The following SEPTIN14 variants were observed in gnomAD, a reference collection of about 807,000 sequenced individuals.
SEPTIN14 encodes the protein septin 14, also known as septin-14.
In SEPTIN14, 40 loss-of-function variants were observed where a neutral mutation model predicts 53.6. That is an observed-to-expected ratio of 0.75 (90% CI 0.58 to 0.97). The LOEUF (loss-of-function observed/expected upper bound fraction) is 0.97. Ranked by LOEUF, SEPTIN14 falls within the 50% of genes least tolerant of loss-of-function variation. The pLI, the probability that SEPTIN14 is intolerant of heterozygous loss-of-function variation, is 0.00. For missense variants in SEPTIN14, 471 were observed against 508.2 expected, an observed-to-expected ratio of 0.93 and a Z score of 0.70; for synonymous variants, 138 against 166.8, an observed-to-expected ratio of 0.83 and a Z score of 1.33.
chr7:55,827,280 T>C (rs762615631), intron 6 of SEPTIN14, among the ~76,000 whole-genome samples: 21 of 152,180 alleles, frequency 1.4e-4, no homozygotes, highest in Non-Finnish European at 2.4e-4. Flanking sequence ...AGGAGCAGCG[T>C]TCCTGCATGA....
chr7:55,836,086 T>C (rs1789200166), intron 5 of SEPTIN14, among the ~76,000 whole-genome samples: 1 of 152,154 alleles, frequency 6.6e-6, no homozygotes, highest in African/African-American at 2.4e-5. Flanking sequence ...TGTGTGTGTG[T>C]GCGCGTGTGT....
At chr7:55,835,444 C>T (rs759887347) in intron 5 of SEPTIN14, among the ~76,000 whole-genome samples, 5 of 151,996 alleles carry the variant, frequency 3.3e-5, no homozygotes, top group South Asian at 2.1e-4. Flanking sequence ...CCTCGTGATC[C>T]GCTCGCCTCA....
intron 2 of SEPTIN14, among the ~76,000 whole-genome samples, chr7:55,849,975 T>C (rs1172633439): frequency 1.3e-5 from 2 of 152,004 alleles, no homozygotes; most frequent in Non-Finnish European, 2.9e-5. Context: ...CAATGGGAAA[T>C]AGGAAATCTA....
chr7:55,860,760 A>G (rs2116090393), intron 2 of SEPTIN14, among the ~76,000 whole-genome samples: 1 of 152,166 alleles, frequency 6.6e-6, no homozygotes, highest in East Asian at 1.9e-4. Flanking sequence ...TAGTGCTTTT[A>G]TAACAGAAGC....
chr7:55,830,339 A>T (rs866593734), intron 6 of SEPTIN14, among the ~76,000 whole-genome samples: 34 of 59,678 alleles, frequency 5.7e-4, no homozygotes, highest in African/African-American at 1.8e-3. Flanking sequence ...ATATATATAT[A>T]TATATATATA....
chr7:55,844,789 A>G (rs1299572490), intron 3 of SEPTIN14, 71 bp from the exon 4 acceptor site: 1 of 742,360 alleles, frequency 1.3e-6, no homozygotes, highest in Non-Finnish European at 2.0e-6. Context: ...TTGAATTCCT[A>G]CGGTGGTTTT....
chr7:55,853,425 T>C (rs148344174), intron 2 of SEPTIN14, among the ~76,000 whole-genome samples: 1 of 152,184 alleles, frequency 6.6e-6, no homozygotes. Flanking sequence ...AAGCAAGTCA[T>C]GGAAAGACAA....
At chr7:55,855,563 C>A (rs1246465011) in intron 2 of SEPTIN14, among the ~76,000 whole-genome samples, 2 of 151,684 alleles carry the variant, frequency 1.3e-5, no homozygotes, top group Admixed American at 6.6e-5. Context: ...CTTTTCTTTT[C>A]TTTTCTTTTT....
intron 6 of SEPTIN14, among the ~76,000 whole-genome samples, chr7:55,830,349 A>ATTTTTTTTTTTTTTTTTTTTTT: frequency 1.8e-5 from 1 of 56,846 alleles, no homozygotes; most frequent in Admixed American, 2.6e-4. Context: ...ATATATATAT[A>ATTTTTTTTTTTTTTTTTTTTTT]TTTTTTTTTT....
intron 2 of SEPTIN14, among the ~76,000 whole-genome samples, chr7:55,857,547 G>GAA: frequency 3.1e-5 from 3 of 97,634 alleles, no homozygotes; most frequent in African/African-American, 8.8e-5. Context: ...AGGAAGAGAG[G>GAA]AGGGGAGGGG....
chr7:55,856,074 T>A (rs1789618846), intron 2 of SEPTIN14, among the ~76,000 whole-genome samples: 1 of 152,150 alleles, frequency 6.6e-6, no homozygotes, highest in Non-Finnish European at 1.5e-5. Flanking sequence ...TGTGCTGAGT[T>A]GGGGGTGTGA....
chr7:55,799,218 A>T (rs981136149), intron 9 of SEPTIN14, among the ~76,000 whole-genome samples: 17 of 151,736 alleles, frequency 1.1e-4, no homozygotes, highest in Non-Finnish European at 2.4e-4. Context: ...AGGAATAGAA[A>T]AACATGGCTG....
chr7:55,807,137 C>T lies in SEPTIN14; in HGVS notation c.939G>A (p.Leu313=), dbSNP rs368318580. 1.2e-6 allele frequency: 2 copies of T among 1,604,880 alleles called. No homozygotes were observed. The highest frequency in any genetic ancestry group is 1.7e-6 in the Non-Finnish European group (2 of 1,177,230). ...QHYECYRYQK[L]QKMGFTDVGP... is the part of the protein sequence containing the mutation. Reference sequence around the variant, plus strand: ...CCACATCTGTAAAGCCCATTTTCTGCAGTTTTTGGTACCTATAACATTCAT... The same window carrying T: ...CCACATCTGTAAAGCCCATTTTCTGTAGTTTTTGGTACCTATAACATTCAT... The change falls in exon 8 of 10, where the codon CTG becomes CTA. Residue 313 remains leucine (L), a synonymous_variant. Coordinates refer to ENST00000388975, the MANE Select transcript of SEPTIN14 (RefSeq NM_207366.3).
At chr7:55,843,619 G>A (rs902515904) in intron 4 of SEPTIN14, among the ~76,000 whole-genome samples, 6 of 152,038 alleles carry the variant, frequency 3.9e-5, no homozygotes, top group Non-Finnish European at 7.4e-5. Context: ...GGATCACGAG[G>A]TCAGGAGTTC....
chr7:55,845,612 A>C (rs1789388683), intron 3 of SEPTIN14, among the ~76,000 whole-genome samples: 1 of 152,206 alleles, frequency 6.6e-6, no homozygotes, highest in African/African-American at 2.4e-5. Context: ...ACTTGATTGA[A>C]TCATTCCAAA....
chr7:55,854,469 G>A (rs531893926), intron 2 of SEPTIN14, among the ~76,000 whole-genome samples: 22 of 151,248 alleles, frequency 1.5e-4, no homozygotes, highest in African/African-American at 5.3e-4. Flanking sequence ...TCGCTCTGTC[G>A]CCCAGGTTGG....
intron 6 of SEPTIN14, among the ~76,000 whole-genome samples, chr7:55,825,492 C>T (rs530558990): frequency 1.3e-5 from 2 of 152,050 alleles, no homozygotes; most frequent in Non-Finnish European, 2.9e-5. Context: ...TTGTCAGATA[C>T]GAACTTTAGT....
At chr7:55,823,017 G>A (rs1788924271) in intron 6 of SEPTIN14, among the ~76,000 whole-genome samples, 1 of 152,304 alleles carries the variant, frequency 6.6e-6, no homozygotes, top group South Asian at 2.1e-4. Flanking sequence ...CACTGCCACT[G>A]ATAGTGGCAG....
At chr7:55,847,661 G>T (rs1050166794) in intron 2 of SEPTIN14, among the ~76,000 whole-genome samples, 2 of 152,184 alleles carry the variant, frequency 1.3e-5, no homozygotes, top group African/African-American at 2.4e-5. Flanking sequence ...TAAGTTGAAT[G>T]ATTGTAAGCT....
Sources: allele counts gnomAD v4.1 joint callset (sites outside exome capture counted in the v4.1 genomes callset), GRCh38; gene constraint gnomAD v4.1.1; transcripts MANE v1.5; gene names NCBI Gene and HGNC (gene_info 2026-07-23, HGNC 2026-07-21).